Variants in CDK2AP1 observed in about 807,000 individuals in gnomAD.
CDK2AP1 encodes cyclin-dependent kinase 2-associated protein 1.
CDK2AP1 carries 10 observed loss-of-function variants against 14.1 expected under a neutral mutation model. The observed-to-expected ratio is 0.71, with a 90% CI of 0.44 to 1.20. The LOEUF is 1.20. CDK2AP1 is among the 50% of genes most tolerant of loss of function. The pLI is 0.00. For synonymous variants in CDK2AP1, 59 were observed against 59.8 expected (o/e 0.99, Z 0.06); for missense variants, 102 against 149.9 (o/e 0.68, Z 1.67).
intron 1 of CDK2AP1, chr12:123,270,948 C>T (rs1250595465): frequency 2.0e-6 from 2 of 984,976 alleles, no homozygotes; most frequent in Non-Finnish European, 2.4e-6. Flanking sequence ...CCGGCCGAGG[C>T]CCCCGGGCCT....
At position 123,270,248 on chromosome 12, in the gene CDK2AP1, T is replaced by G. The variant is rs1170334427; in HGVS notation, c.55+1316A>C. On this transcript the variant is annotated intron_variant, in intron 1 of 3. Transcript: ENST00000261692. ...GTGAGAATGTTTGAGAAAAAAACAGTGGCTGTTTGCTCTTTGGGACTCCGA... is the reference window on the plus strand; with the variant it reads ...GTGAGAATGTTTGAGAAAAAAACAGGGGCTGTTTGCTCTTTGGGACTCCGA... 5 of 971,516 alleles carry G rather than the reference T, an allele frequency of 5.1e-6. No individual in the cohort carries two copies. In the Admixed American group the frequency reaches 3.1e-4, roughly 60 times the overall value. The allele number at this position is 971,516 out of a possible 1,614,324, so 60.2% of individuals were successfully genotyped here.
At chr12:123,271,159 G>T (rs1423735434) in intron 1 of CDK2AP1, 1 of 314,624 alleles carries the variant, frequency 3.2e-6, no homozygotes, top group Non-Finnish European at 4.5e-6. Flanking sequence ...GGGCGGCGGG[G>T]CCCCGCGCCC....
chr12:123,270,238 A>G lies in CDK2AP1; in HGVS notation c.55+1326T>C, dbSNP rs1018400881. 18 of 979,492 alleles carry G rather than the reference A, an allele frequency of 1.8e-5. No individual in the cohort carries two copies. In the Admixed American group the frequency reaches 2.5e-4, roughly 13 times the overall value. The allele number at this position is 979,492 out of a possible 1,614,324, so 60.7% of individuals were successfully genotyped here. On this transcript the variant is annotated intron_variant, in intron 1 of 3. Transcript: ENST00000261692. Reference sequence around the variant, plus strand: ...CCCAGAGGAGGTGAGAATGTTTGAGAAAAAAACAGTGGCTGTTTGCTCTTT... The same window carrying G: ...CCCAGAGGAGGTGAGAATGTTTGAGGAAAAAACAGTGGCTGTTTGCTCTTT...
chr12:123,268,258 C>G (rs2048318071), intron 1 of CDK2AP1: 3 of 985,250 alleles, frequency 3.0e-6, no homozygotes, highest in South Asian at 9.4e-5. Flanking sequence ...GACTTGGCCT[C>G]GGGGACAGAC....
At chr12:123,268,170 T>G (rs985655823) in intron 1 of CDK2AP1, 2 of 983,556 alleles carry the variant, frequency 2.0e-6, no homozygotes, top group African/African-American at 3.5e-5. Context: ...AGAATTTACC[T>G]AGTCCTCCTC....
At chr12:123,270,748 G>C (rs559487349) in intron 1 of CDK2AP1, 31 of 807,568 alleles carry the variant, frequency 3.8e-5, no homozygotes, top group Non-Finnish European at 4.6e-5. Flanking sequence ...AGCCCCTCCC[G>C]GCTTCTGCAT....
rs1199743506 is a variant in CDK2AP1, at chr12:123,271,644, C to CGCGGCGGGGCCAGGCCGCGAGG, written c.-48_-27dup. On this transcript the variant is annotated 5_prime_UTR_variant, in exon 1 of 4. Transcript: ENST00000261692. Reference sequence around the variant, plus strand: ...CCCCCCGGGCGGCGGGCGCGCCGGGCGCGGCGGGGCCAGGCCGCGAGGGCG... The same window carrying CGCGGCGGGGCCAGGCCGCGAGG: ...CCCCCCGGGCGGCGGGCGCGCCGGGCGCGGCGGGGCCAGGCCGCGAGGGCGGCGGGGCCAGGCCGCGAGGGCG... 1 of 960,970 alleles carries CGCGGCGGGGCCAGGCCGCGAGG rather than the reference C, an allele frequency of 1.0e-6. No individual in the cohort carries two copies. Among genetic ancestry groups the CGCGGCGGGGCCAGGCCGCGAGG allele is most frequent in the Non-Finnish European group, 1.2e-6 (1 of 810,266 alleles). The allele number at this position is 960,970 out of a possible 1,614,324, so 59.5% of individuals were successfully genotyped here.
intron 1 of CDK2AP1, chr12:123,270,966 C>G: frequency 1.0e-6 from 1 of 985,120 alleles, no homozygotes; most frequent in East Asian, 1.1e-4. Flanking sequence ...CCTCCGAGTA[C>G]GCTGCCCGCC....
intron 1 of CDK2AP1, 91 bp from the exon 2 acceptor site, chr12:123,267,373 C>T: frequency 1.3e-6 from 1 of 763,844 alleles, no homozygotes; most frequent in Non-Finnish European, 2.4e-6. Context: ...TTGCCCAGGA[C>T]CCACACCACC....
In CDK2AP1 at chr12:123,271,729, G is replaced by A; in HGVS notation, c.-111C>T. On this transcript the variant is annotated 5_prime_UTR_variant, in exon 1 of 4. Transcript: ENST00000261692. ...CAGCCCCGCGCCCGTCCGAGCGCCC[G>A]CCGAGCGCCCGCGCACTTTTTGTTG... 4.1e-6 allele frequency: 1 copy of A among 246,332 alleles called. No individual in the cohort carries two copies. Among genetic ancestry groups the A allele is most frequent in the Non-Finnish European group, 6.3e-6 (1 of 157,630 alleles). 15.3% of individuals were successfully genotyped at this position (246,332 alleles called of 1,614,324 possible).
chr12:123,263,100 G>A (rs1010086987), intron 3 of CDK2AP1, among the ~76,000 whole-genome samples: 1 of 150,476 alleles, frequency 6.6e-6, no homozygotes, highest in African/African-American at 2.4e-5. Flanking sequence ...TATAATCCCA[G>A]CTACTCGGGA....
chr12:123,267,316 C>T (rs1566004830), intron 1 of CDK2AP1, 34 bp from the exon 2 acceptor site: 2 of 1,374,844 alleles, frequency 1.5e-6, no homozygotes, highest in Admixed American at 3.4e-5. Flanking sequence ...CAGGAGTCAG[C>T]TCAGCCAGTT....
chr12:123,265,287 G>A lies in CDK2AP1; in HGVS notation c.189C>T (p.Tyr63=), dbSNP rs76783415. 5.4e-3 allele frequency: 8,719 copies of A among 1,614,074 alleles called. 409 individuals carry two copies. The African/African-American group carries it at 0.1, about 19-fold the overall frequency. The change falls in exon 3 of 4, where the codon TAC becomes TAT. Residue 63 remains tyrosine (Y), a synonymous_variant. Coordinates refer to ENST00000261692, the MANE Select transcript of CDK2AP1 (RefSeq NM_004642.4). The surrounding 1 kb of genome is among the most constrained non-coding windows in gnomAD (Gnocchi z 5.3). ...CTTCAATGATGGCCAGCAGCTCCGC[G>A]TATTTGCTTTGGGGCACCTGGCTGT... The part of the protein sequence containing the change: ...TGNSQVPQSK[Y]AELLAIIEEL...
At chr12:123,270,773 G>C in intron 1 of CDK2AP1, 4 of 943,932 alleles carry the variant, frequency 4.2e-6, no homozygotes, top group Non-Finnish European at 5.0e-6. Flanking sequence ...GGCCTTCCAG[G>C]GCCAGCCCTT....
chr12:123,265,681 T>C lies in CDK2AP1; in HGVS notation c.154-359A>G, dbSNP rs12824957. Among the ~76,000 whole-genome samples the C allele has an allele frequency of 0.16, 24,716 of 152,054 alleles. 2,355 individuals carry two copies. Among genetic ancestry groups the C allele is most frequent in the Middle Eastern group, 0.26 (77 of 294 alleles). Reference sequence around the variant, plus strand: ...AGGGGACAACTACAAGTTAGGGAGATGGTCCTCACCCTCCTATCCTCACAC... The same window carrying C: ...AGGGGACAACTACAAGTTAGGGAGACGGTCCTCACCCTCCTATCCTCACAC... On this transcript the variant is annotated intron_variant, in intron 2 of 3. Transcript: ENST00000261692. This position sits in a 1 kb window ranked among gnomAD's most constrained non-coding sequence, Gnocchi z 5.3.
At chr12:123,268,494 C>A (rs1000226178) in intron 1 of CDK2AP1, among the ~76,000 whole-genome samples, 19 of 152,278 alleles carry the variant, frequency 1.2e-4, no homozygotes, top group African/African-American at 4.3e-4. Context: ...CCGGCACCTG[C>A]CCCTCTCTCC....
chr12:123,265,502 CG>C lies in CDK2AP1; in HGVS notation c.154-181del, dbSNP rs565184982. 2.4e-4 allele frequency among the ~76,000 whole-genome samples: 24 copies of C among 97,982 alleles called. No individual in the cohort carries two copies. Among genetic ancestry groups the C allele is most frequent in the African/African-American group, 6.5e-4 (24 of 37,132 alleles). The allele number at this position is 97,982 out of a possible 152,430, so 64.3% of individuals were successfully genotyped here. A position where few individuals can be genotyped will look rare whatever the true frequency, so the allele number is the denominator to read the frequency against. On this transcript the variant is annotated intron_variant, in intron 2 of 3. Coordinates refer to ENST00000261692, the MANE Select transcript of CDK2AP1 (RefSeq NM_004642.4). This position sits in a 1 kb window ranked among gnomAD's most constrained non-coding sequence, Gnocchi z 5.3. ...TGGGCAACAGAGCGAGACTCCATCT[CG>C]GGGGAAAAAAAAAAAAAAGGGTTCA...
chr12:123,262,390 C>G (rs1038439459), intron 3 of CDK2AP1: 1 of 152,168 alleles, frequency 6.6e-6, no homozygotes, highest in Non-Finnish European at 1.5e-5. Flanking sequence ...GAAATATGAT[C>G]TTTTAATAGA....
At chr12:123,270,303 C>G in intron 1 of CDK2AP1, 2 of 385,230 alleles carry the variant, frequency 5.2e-6, no homozygotes, top group Non-Finnish European at 7.1e-6. Flanking sequence ...AACTCTCCCT[C>G]CGCACCCTGA....
Sources: gnomAD v4.1 joint callset for allele counts (sites outside exome capture counted in the v4.1 genomes callset) on GRCh38, gnomAD v4.1.1 for gene constraint, Gnocchi (gnomAD v3.1) non-coding constraint, MANE v1.5 for transcripts, NCBI Gene and HGNC (gene_info 2026-07-23, HGNC 2026-07-21) for gene names.